The following CEP44 variants were observed in gnomAD, a reference collection of about 807,000 sequenced individuals.
CEP44 encodes centrosomal protein 44.
A neutral mutation model predicts 46.7 loss-of-function variants in CEP44; 45 were observed. The ratio of observed to expected loss-of-function variants is 0.96; its 90% CI spans 0.76 to 1.24. The LOEUF is 1.24. CEP44 is among the 50% of genes most tolerant of loss of function. The probability of loss-of-function intolerance (pLI) is 0.00; values close to 1 mark genes in which losing one functional copy is unlikely to be tolerated. For missense variants in CEP44, 475 were observed against 459.7 expected (o/e 1.03, Z -0.30); for synonymous variants, 142 against 146.0 (o/e 0.97, Z 0.20).
In CEP44 at chr4:174,310,607, A is replaced by G. The variant is rs1740975315; in HGVS notation, c.886-176A>G. Among the ~76,000 whole-genome samples the G allele has an allele frequency of 6.6e-6, 1 of 151,936 alleles. No homozygotes were observed. The highest frequency in any genetic ancestry group is 1.5e-5 in the Non-Finnish European group (1 of 67,854). On this transcript the variant is annotated intron_variant, in intron 8 of 11. Transcript: ENST00000503780. This position sits in a 1 kb window ranked among gnomAD's most constrained non-coding sequence, Gnocchi z 4.2. ...CAAGTAGCTTGCTATCTGCTTCCAT[A>G]TTTAAAACATTTCTTATATGTAGGA...
intron 1 of CEP44, 124 bp downstream of exon 1, chr4:174,284,067 G>A: frequency 5.0e-6 from 2 of 399,198 alleles, no homozygotes; most frequent in East Asian, 7.1e-5. Context: ...ACTGTGTATG[G>A]TTGCATATGC....
chr4:174,323,450 A>G (rs1374141073), downstream of CEP44, among the ~76,000 whole-genome samples: 1 of 152,182 alleles, frequency 6.6e-6, no homozygotes, highest in Non-Finnish European at 1.5e-5. Flanking sequence ...CTGATACCAA[A>G]CCAGGCACAT....
Position 174,297,725 on chromosome 4 carries a change from T to C in CEP44, c.-147-241T>C, listed in dbSNP as rs146859185. Among the ~76,000 whole-genome samples the C allele has an allele frequency of 9.9e-5, 15 of 152,240 alleles. No individual in the cohort carries two copies. The highest frequency in any genetic ancestry group is 2.0e-4 in the Admixed American group (3 of 15,294). The stretch of plus-strand genomic sequence containing the variant: ...CTTTCTGCCTTCGAACACTTCCTTC[T>C]GTATTGTTCGCCTTGCCTGATGTTA... On this transcript the variant is annotated intron_variant, in intron 1 of 11. Coordinates refer to ENST00000503780, the MANE Select transcript of CEP44 (RefSeq NM_001040157.3). The surrounding 1 kb of genome is among the most constrained non-coding windows in gnomAD (Gnocchi z 4.3).
rs866243699 is a variant in CEP44 at position 174,331,773 on chromosome 4, G to C, written c.*178G>C. ...CTTCCTGCTACATGGGTAACACTTA[G>C]TTGTTTGTCTAATTTCTATTTTCCA... On this transcript the variant is annotated 3_prime_UTR_variant, in exon 9 of 9. Coordinates refer to the CEP44 transcript ENST00000426172. This position sits in a 1 kb window ranked among gnomAD's most constrained non-coding sequence, Gnocchi z 4.5. 8.5e-6 allele frequency: 6 copies of C among 704,960 alleles called. No individual in the cohort carries two copies. In the Middle Eastern group the frequency reaches 1.7e-3, roughly 195 times the overall value. The allele number at this position is 704,960 out of a possible 1,614,324, so 43.7% of individuals were successfully genotyped here.
At position 174,309,809 on chromosome 4, in the gene CEP44, AGTTT is replaced by A; in HGVS notation, c.679-36_679-33del. 8 of 1,323,010 alleles carry A rather than the reference AGTTT, an allele frequency of 6.0e-6. No homozygotes were observed. Among genetic ancestry groups the A allele is most frequent in the Non-Finnish European group, 8.5e-6 (8 of 945,824 alleles). 82.0% of individuals were successfully genotyped at this position (1,323,010 alleles called of 1,614,324 possible). ...AATACATTAATTTTAAAGAAATTTCAGTTTGTTTAATTTTATTTTTAATCTCTCT... is the reference window on the plus strand; with the variant it reads ...AATACATTAATTTTAAAGAAATTTCAGTTTAATTTTATTTTTAATCTCTCT... On this transcript the variant is annotated intron_variant, in intron 7 of 11. Coordinates refer to ENST00000503780, the MANE Select transcript of CEP44 (RefSeq NM_001040157.3). This position sits in a 1 kb window ranked among gnomAD's most constrained non-coding sequence, Gnocchi z 5.3.
Position 174,316,152 on chromosome 4 carries a change from T to G in CEP44, c.962-14T>G. The G allele has an allele frequency of 1.9e-6, 3 of 1,608,658 alleles. No homozygotes were observed. Among genetic ancestry groups the G allele is most frequent in the Non-Finnish European group, 2.5e-6 (3 of 1,178,792 alleles). On this transcript the variant is annotated splice_polypyrimidine_tract_variant and intron_variant, in intron 9 of 11. Transcript: ENST00000503780. ...TGAAAGGAAAAGGTAATCTAAAACT[T>G]AATTTCTTCACAGACAGAAAAAGCG...
chr4:174,306,153 G>A (rs1740373915), intron 6 of CEP44, among the ~76,000 whole-genome samples: 1 of 152,072 alleles, frequency 6.6e-6, no homozygotes. Flanking sequence ...TTTATAGTGT[G>A]TATGCAAACT....
In CEP44 at chr4:174,304,296, C is replaced by A. The variant is rs1740121387; in HGVS notation, c.434C>A (p.Pro145His). The change falls in exon 6 of 12, where the codon CCT becomes CAT. Residue 145 changes from proline (P) to histidine (H), a missense_variant. Coordinates refer to ENST00000503780, the MANE Select transcript of CEP44 (RefSeq NM_001040157.3). ...ATCAGTTCTGGTAAGTCAGAACCTC[C>A]TTTGGGCAATGAGAAAATATCTGCA... ...KKISSGKSEP[P>H]LGNEKISAEA... 2 of 1,611,116 alleles carry A rather than the reference C, an allele frequency of 1.2e-6. No homozygotes were observed. Among genetic ancestry groups the A allele is most frequent in the Non-Finnish European group, 1.7e-6 (2 of 1,179,282 alleles).
At chr4:174,307,863 A>G (rs77954870) in intron 6 of CEP44, among the ~76,000 whole-genome samples, 1 of 152,168 alleles carries the variant, frequency 6.6e-6, no homozygotes, top group African/African-American at 2.4e-5. Context: ...AAAAAACTCA[A>G]CATCACTGAT....
chr4:174,302,305 G>A, intron 4 of CEP44, 119 bp downstream of exon 4: 1 of 644,134 alleles, frequency 1.6e-6, no homozygotes, highest in Non-Finnish European at 2.6e-6. Context: ...ATTTTCATTT[G>A]TATTTATCTC....
intron 2 of CEP44, among the ~76,000 whole-genome samples, chr4:174,298,561 A>G (rs1739348956): frequency 6.6e-6 from 1 of 152,190 alleles, no homozygotes. Context: ...ATATTTATCC[A>G]AGTGAACCCT....
Position 174,317,471 on chromosome 4 carries a change from C to T in CEP44, c.*88C>T. 2 of 1,263,208 alleles carry T rather than the reference C, an allele frequency of 1.6e-6. No individual in the cohort carries two copies. Among genetic ancestry groups the T allele is most frequent in the South Asian group, 6.0e-5 (2 of 33,552 alleles). 78.2% of individuals were successfully genotyped at this position (1,263,208 alleles called of 1,614,324 possible). Reference sequence around the variant, plus strand: ...TTCTTTATACAATTTTAATATACTGCAATACTGCAGTTTTTGACAATTTGG... The same window carrying T: ...TTCTTTATACAATTTTAATATACTGTAATACTGCAGTTTTTGACAATTTGG... On this transcript the variant is annotated 3_prime_UTR_variant, in exon 12 of 12. Transcript: ENST00000503780.
intron 6 of CEP44, among the ~76,000 whole-genome samples, chr4:174,308,293 G>C (rs1437587173): frequency 1.3e-5 from 2 of 152,150 alleles, no homozygotes; most frequent in Non-Finnish European, 2.9e-5. Flanking sequence ...ATACTCTGTA[G>C]CCGTAAAAAA....
chr4:174,317,791 T>C lies in CEP44; in HGVS notation c.*408T>C. 1 of 986,734 alleles carries C rather than the reference T, an allele frequency of 1.0e-6. No individual in the cohort carries two copies. The highest frequency in any genetic ancestry group is 1.2e-6 in the Non-Finnish European group (1 of 830,516). 61.1% of individuals were successfully genotyped at this position (986,734 alleles called of 1,614,324 possible). A position where few individuals can be genotyped will look rare whatever the true frequency, so the allele number is the denominator to read the frequency against. ...GTATTATACCCAGGAGGCTCTCATA[T>C]ATACCATCTTGGCATCTGTACTGAT... is the stretch of plus-strand genomic sequence containing the variant. On this transcript the variant is annotated 3_prime_UTR_variant, in exon 12 of 12. Coordinates refer to ENST00000503780, the MANE Select transcript of CEP44 (RefSeq NM_001040157.3).
Position 174,319,139 on chromosome 4 carries a change from A to G in CEP44, c.*1756A>G, listed in dbSNP as rs1664413127. The stretch of plus-strand genomic sequence containing the variant: ...TTAGTATTCTAATAAACAGTTGGTC[A>G]TCAGAACTTTAAAATGGTAGCCTAC... On this transcript the variant is annotated 3_prime_UTR_variant, in exon 12 of 12. Coordinates refer to ENST00000503780, the MANE Select transcript of CEP44 (RefSeq NM_001040157.3). 1.0e-6 allele frequency: 1 copy of G among 984,938 alleles called. No homozygotes were observed. Among genetic ancestry groups the G allele is most frequent in the South Asian group, 4.7e-5 (1 of 21,288 alleles). The allele number at this position is 984,938 out of a possible 1,614,324, so 61.0% of individuals were successfully genotyped here.
At chr4:174,298,938 A>G (rs1301655533) in intron 2 of CEP44, 134 bp from the exon 3 acceptor site, 2 of 543,644 alleles carry the variant, frequency 3.7e-6, no homozygotes, top group Admixed American at 6.6e-5. Flanking sequence ...TGAGTAGTAG[A>G]GAAGAAGCTC....
At position 174,288,988 on chromosome 4, in the gene CEP44, A is replaced by G. The variant is rs111259474; in HGVS notation, c.-148+5045A>G. 6.4e-4 allele frequency among the ~76,000 whole-genome samples: 97 copies of G among 152,280 alleles called. No individual in the cohort carries two copies. The highest frequency in any genetic ancestry group is 2.3e-3 in the African/African-American group (96 of 41,556). ...TCACAAAAGAGTATCGAATTTTGTC[A>G]AGTGCTTTTTCTGCATCTGTGCAGA... On this transcript the variant is annotated intron_variant, in intron 1 of 11. Transcript: ENST00000503780. This position sits in a 1 kb window ranked among gnomAD's most constrained non-coding sequence, Gnocchi z 4.6.
downstream of CEP44, among the ~76,000 whole-genome samples, chr4:174,323,175 C>T (rs978134958): frequency 6.6e-6 from 1 of 151,848 alleles, no homozygotes; most frequent in African/African-American, 2.4e-5. Flanking sequence ...TCACAGATAT[C>T]ACAGGAAATT....
Position 174,314,280 on chromosome 4 carries a change from A to C in CEP44, c.962-1886A>C, listed in dbSNP as rs1200315374. 6.6e-6 allele frequency among the ~76,000 whole-genome samples: 1 copy of C among 152,218 alleles called. No homozygotes were observed. The highest frequency in any genetic ancestry group is 1.5e-5 in the Non-Finnish European group (1 of 68,034). On this transcript the variant is annotated intron_variant, in intron 9 of 11. Transcript: ENST00000503780. The surrounding 1 kb of genome is among the most constrained non-coding windows in gnomAD (Gnocchi z 4.1). The stretch of plus-strand genomic sequence containing the variant: ...CCTTTCCAACCTGAACTCAGTTACC[A>C]ATTCTTTTCTCAATCCCCTATAGCA...
Sources: gnomAD v4.1 joint callset for allele counts (sites outside exome capture counted in the v4.1 genomes callset) on GRCh38, gnomAD v4.1.1 for gene constraint, Gnocchi (gnomAD v3.1) non-coding constraint, MANE v1.5 for transcripts, NCBI Gene and HGNC (gene_info 2026-07-23, HGNC 2026-07-21) for gene names.